Variants in GRM1 observed in about 807,000 individuals in gnomAD.
GRM1 encodes the protein glutamate metabotropic receptor 1.
In GRM1, 33 loss-of-function variants were observed where a neutral mutation model predicts 90.9. The ratio of observed to expected loss-of-function variants is 0.36; its 90% CI spans 0.28 to 0.49. The LOEUF is 0.49. Ranked by LOEUF, GRM1 falls within the 20% of genes least tolerant of loss-of-function variation. The pLI is 0.99. For missense variants in GRM1, 1,190 were observed against 1,534.3 expected (o/e 0.78, Z 3.75); for synonymous variants, 700 against 613.2 (o/e 1.14, Z -2.09).
At chr6:146,069,721 T>C (rs1775964693) in intron 1 of GRM1, among the ~76,000 whole-genome samples, 1 of 152,202 alleles carries the variant, frequency 6.6e-6, no homozygotes, top group African/African-American at 2.4e-5. Context: ...TTAAGAAAGT[T>C]ATGAAAACTA....
intron 3 of GRM1, among the ~76,000 whole-genome samples, chr6:146,323,348 G>A (rs1784274101): frequency 6.6e-6 from 1 of 152,178 alleles, no homozygotes; most frequent in Non-Finnish European, 1.5e-5. Context: ...CGGTGATGAT[G>A]AGCATTTTTT....
rs1167324517 is a variant in GRM1, at chr6:146,159,385, G to T, written c.738G>T (p.Glu246Asp). The T allele has an allele frequency of 6.2e-7, 1 of 1,614,020 alleles. No individual in the cohort carries two copies. The highest frequency in any genetic ancestry group is 2.2e-5 in the East Asian group (1 of 44,882). The change falls in exon 2 of 8, where the codon GAG (glutamate) becomes GAT (aspartate). Residue 246 changes from glutamate to aspartate, a missense_variant. Transcript: ENST00000282753. ...YGESGMDAFK[E>D]LAAQEGLCIA... ...AGAGCGGAATGGACGCTTTCAAAGAGCTGGCTGCCCAGGAAGGCCTCTGTA... is the reference window on the plus strand; with the variant it reads ...AGAGCGGAATGGACGCTTTCAAAGATCTGGCTGCCCAGGAAGGCCTCTGTA...
intron 2 of GRM1, among the ~76,000 whole-genome samples, chr6:146,251,114 G>A (rs556496222): frequency 4.6e-5 from 7 of 152,272 alleles, no homozygotes; most frequent in Non-Finnish European, 7.4e-5. Flanking sequence ...AAGTGAAAAC[G>A]TTAGTGGCCA....
chr6:146,264,835 G>A (rs1479279125), intron 2 of GRM1, among the ~76,000 whole-genome samples: 1 of 152,088 alleles, frequency 6.6e-6, no homozygotes, highest in Non-Finnish European at 1.5e-5. Context: ...ACAGCCTCCA[G>A]CTCCATCCAT....
intron 1 of GRM1, among the ~76,000 whole-genome samples, chr6:146,113,168 T>C (rs1583020295): frequency 6.6e-6 from 1 of 152,190 alleles, no homozygotes; most frequent in Non-Finnish European, 1.5e-5. Flanking sequence ...TGTCTTCTAA[T>C]GGCAATGGAA....
At position 146,157,435 on chromosome 6, in the gene GRM1, G is replaced by A. The variant is rs139962895; in HGVS notation, c.701-1913G>A. ...TGCCTATGTCCAAACTCATCAAGAC[G>A]TATACATTAAATGTGTACAGTTTTT... is the stretch of plus-strand genomic sequence containing the variant. On this transcript the variant is annotated intron_variant, in intron 1 of 7. Coordinates refer to ENST00000282753, the MANE Select transcript of GRM1 (RefSeq NM_001278064.2). 1.9e-3 allele frequency among the ~76,000 whole-genome samples: 285 copies of A among 152,206 alleles called. 2 individuals carry two copies. The highest frequency in any genetic ancestry group is 6.5e-3 in the African/African-American group (271 of 41,544).
intron 1 of GRM1, among the ~76,000 whole-genome samples, chr6:146,110,873 A>G (rs976387014): frequency 1.3e-5 from 2 of 152,202 alleles, no homozygotes; most frequent in African/African-American, 4.8e-5. Context: ...AATTTGGGAG[A>G]CATAAACTCA....
At chr6:146,322,321 T>C (rs1170055466) in intron 3 of GRM1, among the ~76,000 whole-genome samples, 2 of 152,132 alleles carry the variant, frequency 1.3e-5, no homozygotes, top group African/African-American at 4.8e-5. Context: ...CTCTCCTCTA[T>C]GGCTGTCGAC....
At chr6:146,398,367 G>C (rs1185909487) in intron 6 of GRM1, among the ~76,000 whole-genome samples, 2 of 152,154 alleles carry the variant, frequency 1.3e-5, no homozygotes, top group African/African-American at 2.4e-5. Context: ...GAAAAGTTTT[G>C]TTAGTTTATT....
intron 1 of GRM1, among the ~76,000 whole-genome samples, chr6:146,138,867 T>C (rs181123849): frequency 6.6e-6 from 1 of 152,230 alleles, no homozygotes; most frequent in African/African-American, 2.4e-5. Flanking sequence ...TTCTACTAAT[T>C]TGCGGTTTGA....
chr6:146,423,170 C>T (rs1273175200), intron 7 of GRM1, among the ~76,000 whole-genome samples: 3 of 152,306 alleles, frequency 2.0e-5, no homozygotes, highest in Middle Eastern at 3.4e-3. Context: ...TGACAAGCCC[C>T]CATATGCTAC....
chr6:146,346,766 C>T (rs985749484), intron 3 of GRM1, among the ~76,000 whole-genome samples: 1 of 152,106 alleles, frequency 6.6e-6, no homozygotes, highest in African/African-American at 2.4e-5. Flanking sequence ...GATATGTTAA[C>T]AATATAAAAT....
At chr6:146,348,556 G>A (rs1156757451) in intron 3 of GRM1, among the ~76,000 whole-genome samples, 1 of 152,184 alleles carries the variant, frequency 6.6e-6, no homozygotes, top group Non-Finnish European at 1.5e-5. Context: ...CACTTCAGAT[G>A]GACACAAACA....
chr6:146,155,840 G>T (rs1420619729), intron 1 of GRM1, among the ~76,000 whole-genome samples: 2 of 152,134 alleles, frequency 1.3e-5, no homozygotes, highest in East Asian at 3.9e-4. Context: ...CCAGGGAAAG[G>T]AGTTTCCATT....
chr6:146,157,831 G>C (rs1279402679), intron 1 of GRM1, among the ~76,000 whole-genome samples: 3 of 152,070 alleles, frequency 2.0e-5, no homozygotes, highest in Non-Finnish European at 4.4e-5. Context: ...TGTTGTAGTG[G>C]GAGGCAAAGC....
At chr6:146,362,461 C>T (rs931367761) in intron 5 of GRM1, among the ~76,000 whole-genome samples, 35 of 152,032 alleles carry the variant, frequency 2.3e-4, no homozygotes, top group Admixed American at 3.9e-4. Context: ...AGGCAGATCA[C>T]GAGGTCAGGA....
intron 5 of GRM1, among the ~76,000 whole-genome samples, chr6:146,375,478 T>C (rs1041004049): frequency 1.3e-5 from 2 of 152,098 alleles, no homozygotes; most frequent in African/African-American, 4.8e-5. Context: ...ATCTGTCTAA[T>C]GCTGACAGTG....
chr6:146,046,303 A>G (rs953236056), intron 1 of GRM1, among the ~76,000 whole-genome samples: 1 of 152,038 alleles, frequency 6.6e-6, no homozygotes, highest in Non-Finnish European at 1.5e-5. Context: ...AACAACCACT[A>G]TTACTCAGCA....
At chr6:146,426,496 C>T (rs41285863) in intron 7 of GRM1, 9 of 1,488,170 alleles carry the variant, frequency 6.0e-6, no homozygotes, top group Non-Finnish European at 7.4e-6. Flanking sequence ...GGTGGACTTG[C>T]CATATCTGTA....
Sources: allele counts gnomAD v4.1 joint callset (sites outside exome capture counted in the v4.1 genomes callset), GRCh38; gene constraint gnomAD v4.1.1; transcripts MANE v1.5; gene names NCBI Gene and HGNC (gene_info 2026-07-23, HGNC 2026-07-21).